Variants in CAMTA1 observed in about 807,000 individuals in gnomAD.
CAMTA1 encodes calmodulin binding transcription activator 1, also known as calmodulin-binding transcription activator 1.
Under a neutral mutation model 170.9 loss-of-function variants are expected in CAMTA1, and 27 were observed. The observed-to-expected ratio is 0.16, with a 90% CI of 0.12 to 0.22. The LOEUF (loss-of-function observed/expected upper bound fraction) is 0.22, where lower values mean the gene tolerates loss of function less well. Among genes scored for constraint, CAMTA1 ranks in the 10% least tolerant of loss-of-function variants. The pLI is 1.00. For synonymous variants in CAMTA1, 833 were observed against 891.5 expected (o/e 0.93, Z 1.17); for missense variants, 1,619 against 2,217.2 (o/e 0.73, Z 5.42).
chr1:7,161,028 C>T (rs1647183072), intron 4 of CAMTA1, among the ~76,000 whole-genome samples: 1 of 152,182 alleles, frequency 6.6e-6, no homozygotes. Context: ...GCTGCAAAGG[C>T]TTCTTCCTCT....
chr1:6,966,637 T>A (rs1415062454), intron 3 of CAMTA1, among the ~76,000 whole-genome samples: 2 of 122,412 alleles, frequency 1.6e-5, no homozygotes, highest in Non-Finnish European at 3.3e-5. Context: ...AGAGACAGAG[T>A]CTTGCTTTGT....
At chr1:6,895,214 A>T (rs1422689629) in intron 3 of CAMTA1, among the ~76,000 whole-genome samples, 2 of 152,186 alleles carry the variant, frequency 1.3e-5, no homozygotes, top group Admixed American at 1.3e-4. Context: ...AGCATGGAAG[A>T]ATATTTATGA....
chr1:7,091,571 A>G (rs1294679135), intron 4 of CAMTA1, among the ~76,000 whole-genome samples, 200 bp downstream of exon 4: 1 of 152,242 alleles, frequency 6.6e-6, no homozygotes, highest in Non-Finnish European at 1.5e-5. Flanking sequence ...AAAAGAGTGC[A>G]AGTGCCATCC....
chr1:7,478,042 T>A (rs1440984635), intron 6 of CAMTA1, among the ~76,000 whole-genome samples: 3 of 152,072 alleles, frequency 2.0e-5, no homozygotes, highest in African/African-American at 2.4e-5. Context: ...ATAAAATACC[T>A]CCCTCCTGAG....
At position 7,386,715 on chromosome 1, in the gene CAMTA1, G is replaced by A. The variant is rs185349812; in HGVS notation, c.439-81115G>A. Among the ~76,000 whole-genome samples the A allele has an allele frequency of 1.3e-3, 202 of 152,210 alleles. 1 individual carries two copies. The highest frequency in any genetic ancestry group is 4.6e-3 in the African/African-American group (192 of 41,530). ...CCCCACCAGCCTCCACCTCCTCCTT[G>A]GTAAAACACAAGTGGCAACAGCTCC... is the stretch of plus-strand genomic sequence containing the variant. On this transcript the variant is annotated intron_variant, in intron 5 of 22. Coordinates refer to ENST00000303635, the MANE Select transcript of CAMTA1 (RefSeq NM_015215.4).
intron 5 of CAMTA1, among the ~76,000 whole-genome samples, chr1:7,457,986 G>A (rs1401461576): frequency 1.3e-5 from 2 of 152,206 alleles, no homozygotes; most frequent in African/African-American, 4.8e-5. Flanking sequence ...CCTCATGATG[G>A]GGTGGGGCGC....
At chr1:7,151,867 G>C (rs1292734403) in intron 4 of CAMTA1, among the ~76,000 whole-genome samples, 1 of 152,076 alleles carries the variant, frequency 6.6e-6, no homozygotes, top group Admixed American at 6.5e-5. Context: ...AGCTCTGATT[G>C]GATTCACCAC....
intron 5 of CAMTA1, among the ~76,000 whole-genome samples, chr1:7,372,843 A>G (rs1195141557): frequency 6.6e-6 from 1 of 152,172 alleles, no homozygotes; most frequent in Non-Finnish European, 1.5e-5. Flanking sequence ...AGCCATCTAG[A>G]GCCGCCCGCA....
chr1:6,850,344 C>A (rs1166820128), intron 3 of CAMTA1, among the ~76,000 whole-genome samples: 1 of 152,176 alleles, frequency 6.6e-6, no homozygotes, highest in African/African-American at 2.4e-5. Flanking sequence ...TAATATCCTT[C>A]ATATCTAAAT....
Position 7,670,838 on chromosome 1 carries a change from CA to C in CAMTA1, c.2653-72del, listed in dbSNP as rs2096054631. ...GACCCCCATCTGAGCAGTGAAGCCT[CA>C]GGGGGGCTTCCCCATGCTGCCTCCC... On this transcript the variant is annotated intron_variant, in intron 9 of 22. Transcript: ENST00000303635. The C allele has an allele frequency of 1.9e-6, 3 of 1,564,002 alleles. No individual in the cohort carries two copies. The Admixed American group carries it at 5.1e-5, about 27-fold the overall frequency.
chr1:6,818,717 C>T (rs1646125769), intron 1 of CAMTA1, among the ~76,000 whole-genome samples: 1 of 152,158 alleles, frequency 6.6e-6, no homozygotes, highest in African/African-American at 2.4e-5. Flanking sequence ...TGGCTCACTG[C>T]AGCCTCAACT....
At chr1:6,976,034 C>T (rs923468660) in intron 3 of CAMTA1, among the ~76,000 whole-genome samples, 1 of 152,234 alleles carries the variant, frequency 6.6e-6, no homozygotes, top group Non-Finnish European at 1.5e-5. Context: ...GAGACCAGAG[C>T]ATCTTGAATG....
chr1:7,276,303 A>ATATATT, intron 5 of CAMTA1, among the ~76,000 whole-genome samples: 2 of 24,228 alleles, frequency 8.3e-5, no homozygotes, highest in African/African-American at 6.0e-4. Flanking sequence ...ATATATATAT[A>ATATATT]TTTTTTTTTT....
rs1192662976 is a variant in CAMTA1 at position 7,565,429 on chromosome 1, C to T, written c.511-74971C>T. Among the ~76,000 whole-genome samples, 1 of 152,126 alleles carries T rather than the reference C, an allele frequency of 6.6e-6. No individual in the cohort carries two copies. Among genetic ancestry groups the T allele is most frequent in the Non-Finnish European group, 1.5e-5 (1 of 68,018 alleles). ...CCAGGCTTCTAGGCCCCAGGGACAACCCAGGTCCCTGACCACGTGGTAGAG... is the reference window on the plus strand; with the variant it reads ...CCAGGCTTCTAGGCCCCAGGGACAATCCAGGTCCCTGACCACGTGGTAGAG... On this transcript the variant is annotated intron_variant, in intron 6 of 22. Transcript: ENST00000303635. The surrounding 1 kb of genome is among the most constrained non-coding windows in gnomAD (Gnocchi z 4.5).
chr1:7,607,713 G>C (rs546619138), intron 6 of CAMTA1, among the ~76,000 whole-genome samples: 6 of 152,190 alleles, frequency 3.9e-5, no homozygotes, highest in Non-Finnish European at 8.8e-5. Context: ...TTGAGTGAAT[G>C]AATGTGTGAA....
chr1:7,340,006 G>A (rs2083677385), intron 5 of CAMTA1, among the ~76,000 whole-genome samples: 1 of 152,134 alleles, frequency 6.6e-6, no homozygotes, highest in Admixed American at 6.5e-5. Context: ...CAATGATAGG[G>A]CCCCAGACAA....
chr1:7,603,822 A>G lies in CAMTA1; in HGVS notation c.511-36578A>G, dbSNP rs573129360. 3.5e-3 allele frequency among the ~76,000 whole-genome samples: 526 copies of G among 152,232 alleles called. 4 individuals carry two copies. Among genetic ancestry groups the G allele is most frequent in the South Asian group, 0.012 (60 of 4,820 alleles). ...GCATGTTTTTGCAGTGGCTGGTACC[A>G]GTTGTTCCTTTCCATGTTTAGTGCT... is the stretch of plus-strand genomic sequence containing the variant. On this transcript the variant is annotated intron_variant, in intron 6 of 22. Coordinates refer to ENST00000303635, the MANE Select transcript of CAMTA1 (RefSeq NM_015215.4).
intron 5 of CAMTA1, among the ~76,000 whole-genome samples, chr1:7,301,157 C>T (rs1316942941): frequency 1.3e-5 from 2 of 152,216 alleles, no homozygotes; most frequent in Non-Finnish European, 2.9e-5. Flanking sequence ...GATCAAAGTG[C>T]ACCTAGTCAC....
At position 6,820,228 on chromosome 1, in the gene CAMTA1, C is replaced by G. The variant is rs749131384; in HGVS notation, c.93C>G (p.Leu31=). 2 of 1,613,848 alleles carry G rather than the reference C, an allele frequency of 1.2e-6. No homozygotes were observed. The highest frequency in any genetic ancestry group is 1.7e-6 in the Non-Finnish European group (2 of 1,179,750). ...VFCGTSTYCV[L]NTVPPIEDDH... ...GCGGAACTAGCACCTACTGTGTTCT[C>G]AACACCGTGCCACCTATAGAAGGTA... is the stretch of plus-strand genomic sequence containing the variant. Residue 31 remains leucine, a synonymous_variant, in exon 2 of 23, where the codon CTC becomes CTG. Transcript: ENST00000303635.
Sources: allele counts gnomAD v4.1 joint callset (sites outside exome capture counted in the v4.1 genomes callset), GRCh38; gene constraint gnomAD v4.1.1; non-coding constraint Gnocchi (gnomAD v3.1); transcripts MANE v1.5; gene names NCBI Gene and HGNC (gene_info 2026-07-23, HGNC 2026-07-21).